Variants in SH3BP2 observed in about 807,000 individuals in gnomAD.
The protein encoded by SH3BP2 is SH3 domain-binding protein 2.
SH3BP2 carries 38 observed loss-of-function variants against 56.2 expected under a neutral mutation model. The observed-to-expected ratio is 0.68, with a 90% CI of 0.52 to 0.89. The LOEUF (loss-of-function observed/expected upper bound fraction) is 0.89, where lower values mean the gene tolerates loss of function less well. SH3BP2 is among the 40% of genes least tolerant of loss of function. The pLI is 0.00. For missense variants in SH3BP2, 748 were observed against 762.6 expected (o/e 0.98, Z 0.23); for synonymous variants, 346 against 316.7 (o/e 1.09, Z -0.98).
chr4:2,833,792 C>G lies in SH3BP2; in HGVS notation c.1644C>G (p.Ser548Arg). 3.1e-6 allele frequency: 5 copies of G among 1,594,496 alleles called. No individual in the cohort carries two copies. In the South Asian group the frequency reaches 4.5e-5, roughly 14 times the overall value. ...YHTHVLPSHQ[S>R]LLLRHPYGYT... ...CCCACGTGCTGCCCAGCCACCAGAG[C>G]CTGCTGCTGCGGCACCCCTACGGCT... is the stretch of plus-strand genomic sequence containing the variant. The change falls in exon 13 of 13, where the codon AGC becomes AGG. Residue 548 changes from serine (S) to arginine (R), a missense_variant. This residue lies in a region of SH3BP2 where 635 missense variants were observed against 615.0 expected (regional missense o/e 1.03). Transcript: ENST00000503393.
intron 1 of SH3BP2, among the ~76,000 whole-genome samples, chr4:2,812,689 G>C (rs1034341364): frequency 6.6e-6 from 1 of 152,280 alleles, no homozygotes; most frequent in East Asian, 1.9e-4. Context: ...GGCAGGCACA[G>C]GGGGAGGCCA....
At chr4:2,805,974 G>A (rs1723517378) in intron 1 of SH3BP2, among the ~76,000 whole-genome samples, 1 of 152,206 alleles carries the variant, frequency 6.6e-6, no homozygotes, top group Non-Finnish European at 1.5e-5. Context: ...AGGCAGGAAG[G>A]AAAAGCACGG....
intron 1 of SH3BP2, chr4:2,798,460 A>G (rs1208663857): frequency 6.6e-6 from 1 of 152,260 alleles, no homozygotes; most frequent in Non-Finnish European, 1.5e-5. Flanking sequence ...ACAGCCCTGC[A>G]TGGAGACCAG....
chr4:2,825,733 C>G (rs745974509), intron 5 of SH3BP2, among the ~76,000 whole-genome samples: 6 of 152,244 alleles, frequency 3.9e-5, no homozygotes, highest in Non-Finnish European at 7.3e-5. Flanking sequence ...ATACGCCTGC[C>G]ACCAGGGAGG....
At chr4:2,826,631 T>C (rs1450132922) in intron 5 of SH3BP2, 1 of 341,238 alleles carries the variant, frequency 2.9e-6, no homozygotes, top group African/African-American at 2.2e-5. Context: ...TGTCTGCGTG[T>C]TGCTCTGTGT....
At chr4:2,805,804 AG>A (rs1723510506) in intron 1 of SH3BP2, among the ~76,000 whole-genome samples, 1 of 152,080 alleles carries the variant, frequency 6.6e-6, no homozygotes, top group East Asian at 1.9e-4. Flanking sequence ...TGAGGGGCCA[AG>A]GGGCAAGGGC....
rs1452187132 is a variant in SH3BP2 at position 2,840,341 on chromosome 4, T to C, written c.*6507T>C. On this transcript the variant is annotated 3_prime_UTR_variant, in exon 13 of 13. Transcript: ENST00000503393. ...GAAATCCTTATAAATGTAAATTTCA[T>C]ATTTAGGCCTTTAATTCACCTAGAT... is the stretch of plus-strand genomic sequence containing the variant. 6.6e-6 allele frequency: 1 copy of C among 151,966 alleles called. No individual in the cohort carries two copies. Among genetic ancestry groups the C allele is most frequent in the Non-Finnish European group, 1.5e-5 (1 of 67,998 alleles). 9.4% of individuals were successfully genotyped at this position (151,966 alleles called of 1,614,324 possible). A position where few individuals can be genotyped will look rare whatever the true frequency, so the allele number is the denominator to read the frequency against.
At chr4:2,818,580 G>A in intron 1 of SH3BP2, 1 of 507,144 alleles carries the variant, frequency 2.0e-6, no homozygotes, top group East Asian at 6.4e-5. Flanking sequence ...AGGCCGGCAC[G>A]GGGCTTGTCG....
At chr4:2,826,992 CAT>C in intron 5 of SH3BP2, 1 of 667,800 alleles carries the variant, frequency 1.5e-6, no homozygotes, top group South Asian at 1.5e-5. Flanking sequence ...AGTATGTGTG[CAT>C]GTGTGTGTCT....
rs374658620 is a variant in SH3BP2 at position 2,831,908 on chromosome 4, G to A, written c.1351-15G>A. The A allele has an allele frequency of 2.2e-5, 35 of 1,612,036 alleles. No individual in the cohort carries two copies. Among genetic ancestry groups the A allele is most frequent in the East Asian group, 1.6e-4 (7 of 44,886 alleles). ...TCACTCCGACGTTGGCACTGACACC[G>A]TCAGCCTCTTGCAGGTGCCACTGCC... On this transcript the variant is annotated splice_polypyrimidine_tract_variant and intron_variant, in intron 9 of 12. Coordinates refer to ENST00000503393, the MANE Select transcript of SH3BP2 (RefSeq NM_001122681.2). The surrounding 1 kb of genome is among the most constrained non-coding windows in gnomAD (Gnocchi z 4.1).
chr4:2,831,256 A>G lies in SH3BP2; in HGVS notation c.1242-315A>G, dbSNP rs1383794004. On this transcript the variant is annotated intron_variant, in intron 8 of 12. Transcript: ENST00000503393. The surrounding 1 kb of genome is among the most constrained non-coding windows in gnomAD (Gnocchi z 4.1). ...TGGGCTGTGATTTGGCCATGACCGG[A>G]CCTCCCCTCCCCACGAGCATCCAGA... is the stretch of plus-strand genomic sequence containing the variant. 6.6e-6 allele frequency among the ~76,000 whole-genome samples: 1 copy of G among 151,588 alleles called. No homozygotes were observed. The highest frequency in any genetic ancestry group is 1.5e-5 in the Non-Finnish European group (1 of 67,908).
rs1236569065 is a variant in SH3BP2, at chr4:2,810,456, C to G, written c.-4-10158C>G. 3.3e-5 allele frequency among the ~76,000 whole-genome samples: 5 copies of G among 151,854 alleles called. No individual in the cohort carries two copies. Among genetic ancestry groups the G allele is most frequent in the South Asian group, 2.1e-4 (1 of 4,802 alleles). On this transcript the variant is annotated intron_variant, in intron 1 of 12. Transcript: ENST00000503393. This position sits in a 1 kb window ranked among gnomAD's most constrained non-coding sequence, Gnocchi z 4.2. ...TTGGCGGAGCAAGGGCAGGGGCGAG[C>G]CTGGCTCCTGCTTCCAGCTCAGGCC...
In SH3BP2 at chr4:2,820,649, C is replaced by T. The variant is rs751798471; in HGVS notation, c.32C>T (p.Pro11Leu). 34 of 1,614,164 alleles carry T rather than the reference C, an allele frequency of 2.1e-5. No homozygotes were observed. In the South Asian group the frequency reaches 3.3e-4, roughly 16 times the overall value. The change falls in exon 2 of 13, where the codon CCT (proline) becomes CTT (leucine). Residue 11 changes from proline (P) to leucine (L), a missense_variant. By Grantham distance (98) the Pro-to-Leu change is moderately conservative. Transcript: ENST00000503393. ...GCTGAAGAGATGCATTGGCCTGTCC[C>T]TATGAAGGCCATTGGTGCCCAGAAC... MAAEEMHWPV[P>L]MKAIGAQNLL...
rs1479141637 is a variant in SH3BP2, at chr4:2,831,131, G to A, written c.1242-440G>A. On this transcript the variant is annotated intron_variant, in intron 8 of 12. Transcript: ENST00000503393. The surrounding 1 kb of genome is among the most constrained non-coding windows in gnomAD (Gnocchi z 4.1). The stretch of plus-strand genomic sequence containing the variant: ...CTTTGAGGCTTTGCTGAGCAGGACC[G>A]GCTAGCCACACAGGGAGGCGTGCAG... Among the ~76,000 whole-genome samples the A allele has an allele frequency of 3.3e-5, 5 of 152,250 alleles. No individual in the cohort carries two copies. In the East Asian group the frequency reaches 5.8e-4, roughly 18 times the overall value.
In SH3BP2 at chr4:2,838,683, T is replaced by C. The variant is rs1389102639; in HGVS notation, c.*4849T>C. ...ATCAGCTATAGTTAGTGGTAGTGTATTTTATGCGTGACCCGAGACAGTTCT... is the reference window on the plus strand; with the variant it reads ...ATCAGCTATAGTTAGTGGTAGTGTACTTTATGCGTGACCCGAGACAGTTCT... On this transcript the variant is annotated 3_prime_UTR_variant, in exon 13 of 13. Coordinates refer to ENST00000503393, the MANE Select transcript of SH3BP2 (RefSeq NM_001122681.2). 6.6e-6 allele frequency: 1 copy of C among 152,000 alleles called. No individual in the cohort carries two copies. Among genetic ancestry groups the C allele is most frequent in the East Asian group, 1.9e-4 (1 of 5,202 alleles). The allele number at this position is 152,000 out of a possible 1,614,324, so 9.4% of individuals were successfully genotyped here. A position where few individuals can be genotyped will look rare whatever the true frequency, so the allele number is the denominator to read the frequency against.
intron 1 of SH3BP2, among the ~76,000 whole-genome samples, chr4:2,802,570 A>ATATGTT (rs1723343392): frequency 7.8e-6 from 1 of 128,500 alleles, no homozygotes; most frequent in East Asian, 2.0e-4. Flanking sequence ...ATATGTATAT[A>ATATGTT]TGTGTATATG....
intron 11 of SH3BP2, 51 bp from the exon 12 acceptor site, chr4:2,832,939 T>C (rs1051356838): frequency 1.1e-5 from 18 of 1,581,970 alleles, no homozygotes; most frequent in Non-Finnish European, 1.6e-5. Context: ...CTCCCGAGGC[T>C]GGTCCCGCTG....
intron 1 of SH3BP2, among the ~76,000 whole-genome samples, chr4:2,795,606 C>T (rs1355163334): frequency 2.6e-5 from 4 of 152,166 alleles, no homozygotes; most frequent in African/African-American, 9.7e-5. Context: ...GCTGTCCTAC[C>T]CCAGACGCAG....
chr4:2,822,938 CCCTGCGCTTTGTCATCAT>C lies in SH3BP2; in HGVS notation c.143_160del (p.Leu48_Ile53del). 3 of 1,613,644 alleles carry C rather than the reference CCCTGCGCTTTGTCATCAT, an allele frequency of 1.9e-6. No individual in the cohort carries two copies. Among genetic ancestry groups the C allele is most frequent in the Non-Finnish European group, 2.5e-6 (3 of 1,179,688 alleles). On this transcript the variant is annotated inframe_deletion, in exon 3 of 13. Coordinates refer to ENST00000503393, the MANE Select transcript of SH3BP2 (RefSeq NM_001122681.2). ...CTGCCCTTGCCACCTCCCACAGGGCCCCTGCGCTTTGTCATCATCCACAAACGCTGCGTCTACTACTTC... is the reference window on the plus strand; with the variant it reads ...CTGCCCTTGCCACCTCCCACAGGGCCCCACAAACGCTGCGTCTACTACTTC...
Sources: gnomAD v4.1 joint callset for allele counts (sites outside exome capture counted in the v4.1 genomes callset) on GRCh38, gnomAD v4.1.1 for gene constraint, gnomAD v4.1.1 regional missense constraint, Gnocchi (gnomAD v3.1) non-coding constraint, MANE v1.5 for transcripts, NCBI Gene and HGNC (gene_info 2026-07-23, HGNC 2026-07-21) for gene names.